Variants in SYK observed in about 807,000 individuals in gnomAD.
SYK encodes the protein tyrosine-protein kinase SYK.
Under a neutral mutation model 77.8 loss-of-function variants are expected in SYK, and 16 were observed. That is an observed-to-expected ratio of 0.21 (90% CI 0.14 to 0.31). The LOEUF (loss-of-function observed/expected upper bound fraction) is 0.31. SYK is among the 10% of genes least tolerant of loss of function. SYK has a pLI of 1.00. For missense variants in SYK, 529 were observed against 814.4 expected (o/e 0.65, Z 4.26); for synonymous variants, 312 against 308.7 (o/e 1.01, Z -0.11).
intron 7 of SYK, among the ~76,000 whole-genome samples, chr9:90,872,156 C>A (rs1353121389): frequency 1.3e-5 from 2 of 152,170 alleles, no homozygotes; most frequent in Non-Finnish European, 2.9e-5. Flanking sequence ...CAGGGAATTG[C>A]GTTCTGGTTT....
At chr9:90,822,949 C>G (rs1825566244) in intron 1 of SYK, among the ~76,000 whole-genome samples, 1 of 152,208 alleles carries the variant, frequency 6.6e-6, no homozygotes. Context: ...TGAGAAAGAG[C>G]TCCTCATGGC....
Position 90,844,290 on chromosome 9 carries a change from A to T in SYK, c.392A>T (p.Tyr131Phe), listed in dbSNP as rs571653395. The stretch of plus-strand genomic sequence containing the variant: ...TTGAAGGAAAACCTCATCAGGGAAT[A>T]TGTGAAGCAGACATGGAACCTGCAG... Reference protein sequence around the residue: ...EDLKENLIREYVKQTWNLQGQ... With the variant: ...EDLKENLIREFVKQTWNLQGQ... The change falls in exon 2 of 14, where the codon TAT becomes TTT. Residue 131 changes from tyrosine to phenylalanine, a missense_variant. Transcript: ENST00000375754. 2.5e-6 allele frequency: 4 copies of T among 1,611,702 alleles called. No individual in the cohort carries two copies. The Admixed American group carries it at 6.7e-5, about 27-fold the overall frequency.
intron 3 of SYK, among the ~76,000 whole-genome samples, chr9:90,857,465 C>T (rs187887786): frequency 5.9e-5 from 9 of 152,226 alleles, no homozygotes; most frequent in East Asian, 3.9e-4. Context: ...AATGAGAGGG[C>T]GTTTGTAATA....
rs73503997 is a variant in SYK at position 90,843,199 on chromosome 9, T to G, written c.-41-659T>G. Among the ~76,000 whole-genome samples, 1,467 of 152,262 alleles carry G rather than the reference T, an allele frequency of 9.6e-3. 24 individuals are homozygous for G. The highest frequency in any genetic ancestry group is 0.033 in the African/African-American group (1,385 of 41,548). ...GAGCCAGGGAGGGTGTCACTCTTCA[T>G]GTCTCAGGCAGTGGCTTGTTGCTAT... On this transcript the variant is annotated intron_variant, in intron 1 of 13. Transcript: ENST00000375754.
intron 6 of SYK, among the ~76,000 whole-genome samples, chr9:90,865,986 C>T (rs1308251205): frequency 6.7e-6 from 1 of 148,212 alleles, no homozygotes; most frequent in African/African-American, 2.5e-5. Flanking sequence ...GCAAGCTCTG[C>T]CTCCCGGGTT....
intron 1 of SYK, among the ~76,000 whole-genome samples, chr9:90,843,646 C>A (rs1418659983): frequency 1.3e-5 from 2 of 152,156 alleles, no homozygotes; most frequent in African/African-American, 2.4e-5. Context: ...CCATCAAATG[C>A]TCTGATTTTA....
intron 11 of SYK, among the ~76,000 whole-genome samples, chr9:90,884,343 A>G (rs868693779): frequency 6.6e-6 from 1 of 151,288 alleles, no homozygotes; most frequent in Non-Finnish European, 1.5e-5. Context: ...ATATATACAC[A>G]CATACACATA....
At chr9:90,819,065 A>G (rs984601940) in intron 1 of SYK, among the ~76,000 whole-genome samples, 2 of 152,218 alleles carry the variant, frequency 1.3e-5, no homozygotes, top group African/African-American at 4.8e-5. Context: ...AGGAGCTGAG[A>G]CTGATATTAT....
At chr9:90,817,866 TGTGTGTGTGTGTGTGTGAGAGAGAGAGA>T (rs1825347495) in intron 1 of SYK, among the ~76,000 whole-genome samples, 1 of 141,676 alleles carries the variant, frequency 7.1e-6, no homozygotes, top group Admixed American at 7.0e-5. Context: ...TGTGTGTGTG[TGTGTGTGTGTGTGTGTGAGAGAGAGAGA>T]GAGAGAGAGA....
intron 3 of SYK, among the ~76,000 whole-genome samples, chr9:90,846,970 C>T (rs540408655): frequency 1.2e-4 from 18 of 152,356 alleles, no homozygotes; most frequent in Non-Finnish European, 2.1e-4. Context: ...ATAATCCACA[C>T]GATGAGGCTG....
intron 1 of SYK, among the ~76,000 whole-genome samples, chr9:90,831,968 A>G (rs1825913292): frequency 6.6e-6 from 1 of 152,224 alleles, no homozygotes; most frequent in African/African-American, 2.4e-5. Context: ...TGTGTTAGGG[A>G]AGCTACTTTC....
In SYK at chr9:90,895,690, T is replaced by A; in HGVS notation, c.*90T>A. Reference sequence around the variant, plus strand: ...AGGAATTGATTGTCAGCCACCTCCCTCTGCCAGTCGGGAGAGCCAGGCTTG... The same window carrying A: ...AGGAATTGATTGTCAGCCACCTCCCACTGCCAGTCGGGAGAGCCAGGCTTG... On this transcript the variant is annotated 3_prime_UTR_variant, in exon 14 of 14. Coordinates refer to ENST00000375754, the MANE Select transcript of SYK (RefSeq NM_003177.7). This position sits in a 1 kb window ranked among gnomAD's most constrained non-coding sequence, Gnocchi z 4.4. 1 of 1,267,750 alleles carries A rather than the reference T, an allele frequency of 7.9e-7. No homozygotes were observed. Among genetic ancestry groups the A allele is most frequent in the Non-Finnish European group, 1.1e-6 (1 of 877,922 alleles). The allele number at this position is 1,267,750 out of a possible 1,614,324, so 78.5% of individuals were successfully genotyped here.
At chr9:90,841,687 A>G (rs916851622) in intron 1 of SYK, among the ~76,000 whole-genome samples, 5 of 138,790 alleles carry the variant, frequency 3.6e-5, no homozygotes, top group Non-Finnish European at 6.3e-5. Flanking sequence ...TTTGTGTGTG[A>G]TATGTGTGTA....
At chr9:90,843,756 T>C (rs1826462134) in intron 1 of SYK, 102 bp from the exon 2 acceptor site, 15 of 859,100 alleles carry the variant, frequency 1.7e-5, no homozygotes, top group Non-Finnish European at 2.5e-5. Context: ...TGTTCAGAGA[T>C]GGGAGGGTTT....
intron 1 of SYK, among the ~76,000 whole-genome samples, chr9:90,834,414 G>A (rs1405817236): frequency 1.3e-5 from 2 of 152,106 alleles, no homozygotes; most frequent in Non-Finnish European, 2.9e-5. Flanking sequence ...CCTTTCACCA[G>A]TGAAGAACTC....
intron 4 of SYK, among the ~76,000 whole-genome samples, chr9:90,864,062 C>T (rs975021213): frequency 1.3e-5 from 2 of 152,222 alleles, no homozygotes; most frequent in East Asian, 1.9e-4. Flanking sequence ...ATTTCCCATG[C>T]ATGATTTCAT....
chr9:90,883,395 T>C (rs1755937), intron 11 of SYK, among the ~76,000 whole-genome samples: 20,250 of 151,882 alleles, frequency 0.13, 1,495 homozygotes, highest in East Asian at 0.3. Context: ...CCCCGCCACA[T>C]AGGGAGAAGG....
chr9:90,866,722 C>T (rs1180593949), intron 6 of SYK, among the ~76,000 whole-genome samples: 2 of 152,178 alleles, frequency 1.3e-5, no homozygotes, highest in African/African-American at 2.4e-5. Flanking sequence ...ATGTGTACAA[C>T]TCAATTAATT....
intron 3 of SYK, among the ~76,000 whole-genome samples, chr9:90,854,403 G>A (rs1382656129): frequency 6.6e-6 from 1 of 152,142 alleles, no homozygotes; most frequent in African/African-American, 2.4e-5. Context: ...AGCGATCTGA[G>A]AGGCATGCAT....
Sources: allele counts gnomAD v4.1 joint callset (sites outside exome capture counted in the v4.1 genomes callset), GRCh38; gene constraint gnomAD v4.1.1; non-coding constraint Gnocchi (gnomAD v3.1); transcripts MANE v1.5; gene names NCBI Gene and HGNC (gene_info 2026-07-23, HGNC 2026-07-21).